The following RAP1GAP2 variants were observed in gnomAD, a reference collection of about 807,000 sequenced individuals.
RAP1GAP2 encodes the protein RAP1 GTPase activating protein 2, also known as rap1 GTPase-activating protein 2.
Under a neutral mutation model 95.0 loss-of-function variants are expected in RAP1GAP2, and 27 were observed. That is an observed-to-expected ratio of 0.28 (90% CI 0.21 to 0.39). The LOEUF (loss-of-function observed/expected upper bound fraction) is 0.39. Among genes scored for constraint, RAP1GAP2 ranks in the 10% least tolerant of loss-of-function variants. The pLI, the probability that RAP1GAP2 is intolerant of heterozygous loss-of-function variation, is 1.00. For synonymous variants in RAP1GAP2, 373 were observed against 380.9 expected (o/e 0.98, Z 0.24); for missense variants, 771 against 970.0 (o/e 0.79, Z 2.72).
At position 3,005,681 on chromosome 17, in the gene RAP1GAP2, G is replaced by A. The variant is rs141938579; in HGVS notation, c.1272+241G>A. On this transcript the variant is annotated intron_variant, in intron 15 of 24. Transcript: ENST00000254695. The surrounding 1 kb of genome is among the most constrained non-coding windows in gnomAD (Gnocchi z 5.2). ...TGGGGTTGCTTTTCTGCTGAAAGAC[G>A]GGCTTTTATGTTGAGCCCCGGTCAA... 6.5e-3 allele frequency among the ~76,000 whole-genome samples: 994 copies of A among 152,250 alleles called. 8 individuals are homozygous for A. The highest frequency in any genetic ancestry group is 0.028 in the South Asian group (136 of 4,822).
chr17:2,837,833 C>T (rs2071204808), intron 2 of RAP1GAP2, among the ~76,000 whole-genome samples: 1 of 151,474 alleles, frequency 6.6e-6, no homozygotes, highest in Non-Finnish European at 1.5e-5. Context: ...GTCTCGATCC[C>T]CTGACCTTGT....
chr17:2,812,127 A>G (rs905603045), intron 2 of RAP1GAP2, among the ~76,000 whole-genome samples: 10 of 151,856 alleles, frequency 6.6e-5, no homozygotes, highest in Admixed American at 2.0e-4. Flanking sequence ...TGCTCTGCTC[A>G]CCTCCTTAGG....
intron 3 of RAP1GAP2, among the ~76,000 whole-genome samples, chr17:2,925,811 GA>G (rs1010466424): frequency 5.0e-4 from 76 of 152,278 alleles, no homozygotes; most frequent in African/African-American, 1.8e-3. Flanking sequence ...AAAGCCTGGG[GA>G]GGGTCCAGTC....
intron 3 of RAP1GAP2, among the ~76,000 whole-genome samples, chr17:2,946,448 T>G (rs2151443130): frequency 6.6e-6 from 1 of 152,342 alleles, no homozygotes; most frequent in Non-Finnish European, 1.5e-5. Flanking sequence ...TCCATCTCTT[T>G]ACTTCTCCCA....
intron 3 of RAP1GAP2, among the ~76,000 whole-genome samples, chr17:2,945,608 C>CTT (rs542891688): frequency 0.013 from 1,837 of 140,824 alleles, 22 homozygotes; most frequent in Middle Eastern, 0.041. Context: ...TTAGCTATGT[C>CTT]TTTTTTTTTT....
intron 2 of RAP1GAP2, among the ~76,000 whole-genome samples, chr17:2,881,641 C>T (rs904416888): frequency 4.6e-5 from 7 of 152,126 alleles, no homozygotes; most frequent in African/African-American, 1.7e-4. Context: ...GAAATGTTTT[C>T]TGGAGTGGAA....
chr17:2,771,449 ACTTT>A (rs1342966876), intron 2 of RAP1GAP2, among the ~76,000 whole-genome samples: 7 of 145,792 alleles, frequency 4.8e-5, no homozygotes, highest in African/African-American at 1.8e-4. Flanking sequence ...CGACCCGGGG[ACTTT>A]CTTTCCACTT....
At chr17:2,873,726 G>A (rs2072956238) in intron 2 of RAP1GAP2, among the ~76,000 whole-genome samples, 1 of 151,946 alleles carries the variant, frequency 6.6e-6, no homozygotes, top group East Asian at 1.9e-4. Flanking sequence ...CATCGTGAAT[G>A]TACTTAATGC....
intron 8 of RAP1GAP2, among the ~76,000 whole-genome samples, chr17:2,976,268 G>C (rs1160554899): frequency 1.3e-5 from 2 of 151,984 alleles, no homozygotes; most frequent in Admixed American, 1.3e-4. Context: ...CTTAGCAAAA[G>C]AAAAAAATAC....
At chr17:2,916,320 C>T (rs1299579786) in intron 3 of RAP1GAP2, among the ~76,000 whole-genome samples, 1 of 151,906 alleles carries the variant, frequency 6.6e-6, no homozygotes, top group African/African-American at 2.4e-5. Context: ...GGTAATTGAT[C>T]ATGGCACTCT....
intron 8 of RAP1GAP2, among the ~76,000 whole-genome samples, chr17:2,978,811 A>G (rs1014134074): frequency 6.6e-6 from 1 of 152,008 alleles, no homozygotes; most frequent in Non-Finnish European, 1.5e-5. Context: ...GGCAAGCACC[A>G]GTAATCCCAG....
rs60006033 is a variant in RAP1GAP2 at position 2,765,742 on chromosome 17, C to CAA, written c.51-4576_51-4575dup. ...TGGGCGACAGAGGGAGACTCTGTCT[C>CAA]AAAAAAAAAAAAGAGTTTGAGCAAG... On this transcript the variant is annotated intron_variant, in intron 1 of 25. Transcript: ENST00000637138. Among the ~76,000 whole-genome samples, 712 of 129,882 alleles carry CAA rather than the reference C, an allele frequency of 5.5e-3. 9 individuals carry two copies. Among genetic ancestry groups the CAA allele is most frequent in the African/African-American group, 0.019 (672 of 36,162 alleles). The allele number at this position is 129,882 out of a possible 152,430, so 85.2% of individuals were successfully genotyped here.
At chr17:3,016,593 G>A (rs1279026752) in intron 17 of RAP1GAP2, among the ~76,000 whole-genome samples, 1 of 152,214 alleles carries the variant, frequency 6.6e-6, no homozygotes, top group Non-Finnish European at 1.5e-5. Flanking sequence ...CAGAGGCCAT[G>A]TCCTACACAT....
chr17:2,967,724 C>A (rs959375358), intron 8 of RAP1GAP2, among the ~76,000 whole-genome samples: 2 of 152,182 alleles, frequency 1.3e-5, no homozygotes, highest in Admixed American at 6.5e-5. Context: ...ATTGGCTCCA[C>A]GGTTTAGCAG....
chr17:2,979,496 T>C (rs562989911), intron 8 of RAP1GAP2, among the ~76,000 whole-genome samples: 54 of 145,180 alleles, frequency 3.7e-4, no homozygotes, highest in African/African-American at 1.2e-3. Flanking sequence ...AGACAGAGTC[T>C]TGCTCTGTCA....
At chr17:2,926,143 A>AAG (rs2042949345) in intron 3 of RAP1GAP2, among the ~76,000 whole-genome samples, 2 of 151,450 alleles carry the variant, frequency 1.3e-5, no homozygotes, top group African/African-American at 4.9e-5. Context: ...AAAAAAAAAA[A>AAG]AGGAACCTGG....
chr17:2,995,923 G>A (rs920921900), intron 13 of RAP1GAP2, among the ~76,000 whole-genome samples: 4 of 150,880 alleles, frequency 2.7e-5, no homozygotes, highest in Middle Eastern at 3.4e-3. Flanking sequence ...GTGACTCTGG[G>A]CAAGCCAGTT....
At chr17:3,012,472 G>T (rs943276783) in intron 17 of RAP1GAP2, among the ~76,000 whole-genome samples, 1 of 151,874 alleles carries the variant, frequency 6.6e-6, no homozygotes, top group Non-Finnish European at 1.5e-5. Flanking sequence ...ACAAAAATCA[G>T]ATGGGCGTGG....
intron 3 of RAP1GAP2, among the ~76,000 whole-genome samples, chr17:2,929,705 C>T (rs1567790129): frequency 6.6e-6 from 1 of 152,190 alleles, no homozygotes; most frequent in East Asian, 1.9e-4. Context: ...TAGCGAAGAC[C>T]CCGGGACTGC....
Sources: gnomAD v4.1 joint callset for allele counts (sites outside exome capture counted in the v4.1 genomes callset) on GRCh38, gnomAD v4.1.1 for gene constraint, Gnocchi (gnomAD v3.1) non-coding constraint, MANE v1.5 for transcripts, NCBI Gene and HGNC (gene_info 2026-07-23, HGNC 2026-07-21) for gene names.